PIN4: variants seen among roughly 807,000 people sequenced by gnomAD.
PIN4 encodes peptidyl-prolyl cis-trans isomerase NIMA-interacting 4.
PIN4 carries 3 observed loss-of-function variants against 8.3 expected under a neutral mutation model. That is an observed-to-expected ratio of 0.36 (90% CI 0.16 to 0.93). The LOEUF (loss-of-function observed/expected upper bound fraction) is 0.93. Ranked by LOEUF, PIN4 falls within the 40% of genes least tolerant of loss-of-function variation. The pLI is 0.44. For synonymous variants in PIN4, 18 were observed against 32.5 expected (o/e 0.55, Z 1.52); for missense variants, 75 against 100.6 (o/e 0.75, Z 1.09).
intron 3 of PIN4, chrX:72,205,393 T>C: frequency 8.3e-7 from 1 of 1,212,000 alleles, no homozygotes; most frequent in Non-Finnish European, 1.1e-6. Flanking sequence ...TTCTGGATAA[T>C]CTTCAGGACC....
intron 3 of PIN4, among the ~76,000 whole-genome samples, chrX:72,216,117 T>C (rs1431691239): frequency 9.1e-6 from 1 of 110,369 alleles, no homozygotes; most frequent in Non-Finnish European, 1.9e-5. Context: ...GCAGATGTTA[T>C]TGATTTAAGA....
At chrX:72,240,889 G>C (rs1321955509) in intron 3 of PIN4, among the ~76,000 whole-genome samples, 1 of 111,111 alleles carries the variant, frequency 9.0e-6, no homozygotes, top group Admixed American at 9.6e-5. Flanking sequence ...CCTTTATTAA[G>C]AGGCCTTTTA....
exon 4 of PIN4, chrX:72,262,870 C>T: frequency 1.7e-6 from 1 of 589,052 alleles, no homozygotes. Context: ...CAGAAGGTGA[C>T]ATTTTCTGAC....
chrX:72,232,273 TAAAAAAA>T (rs56070381), intron 3 of PIN4, among the ~76,000 whole-genome samples: 1 of 61,423 alleles, frequency 1.6e-5, no homozygotes, highest in Non-Finnish European at 2.8e-5. Context: ...GAAGGAGTAT[TAAAAAAA>T]AAAAAAAAAA....
intron 3 of PIN4, among the ~76,000 whole-genome samples, chrX:72,256,537 AC>A (rs2147618371): frequency 8.9e-6 from 1 of 111,816 alleles, no homozygotes; most frequent in South Asian, 3.8e-4. Context: ...TACTCAGTTT[AC>A]CAATTCAAAT....
intron 2 of PIN4, among the ~76,000 whole-genome samples, chrX:72,190,297 T>C (rs1308979727): frequency 1.8e-5 from 2 of 111,803 alleles, no homozygotes; most frequent in African/African-American, 6.5e-5. Context: ...TAAAATTAGA[T>C]CTATAGTTAG....
chrX:72,185,177 A>G (rs1361120035), intron 1 of PIN4, among the ~76,000 whole-genome samples: 1 of 104,373 alleles, frequency 9.6e-6, no homozygotes, highest in Non-Finnish European at 2.0e-5. Flanking sequence ...CAACTTTTCA[A>G]TGGCTCCCTA....
intron 3 of PIN4, chrX:72,208,242 G>A (rs753051049): frequency 8.3e-7 from 1 of 1,209,847 alleles, no homozygotes; most frequent in African/African-American, 1.7e-5. Flanking sequence ...GACCATGAAA[G>A]GTTTTGACTC....
At chrX:72,185,147 C>CAAA (rs746215043) in intron 1 of PIN4, among the ~76,000 whole-genome samples, 9 of 24,446 alleles carry the variant, frequency 3.7e-4, no homozygotes, top group East Asian at 1.1e-3. Context: ...GACTCCGTCT[C>CAAA]AAAAAAAAAA....
intron 3 of PIN4, among the ~76,000 whole-genome samples, chrX:72,222,754 C>G (rs1014331719): frequency 1.8e-5 from 2 of 109,199 alleles, no homozygotes; most frequent in East Asian, 5.9e-4. Context: ...CGTGTCACCA[C>G]GCCCAGCTAA....
At chrX:72,234,434 G>A (rs1442962222) in intron 3 of PIN4, among the ~76,000 whole-genome samples, 2 of 112,024 alleles carry the variant, frequency 1.8e-5, no homozygotes, top group African/African-American at 6.5e-5. Context: ...AAAGTGATGG[G>A]GTGAAAACCT....
intron 3 of PIN4, among the ~76,000 whole-genome samples, chrX:72,213,241 T>G (rs2042866716): frequency 1.8e-5 from 2 of 111,454 alleles, no homozygotes; most frequent in Non-Finnish European, 3.8e-5. Flanking sequence ...ACACCTACCT[T>G]TAAATACAGG....
intron 2 of PIN4, among the ~76,000 whole-genome samples, chrX:72,196,533 C>CAA (rs11284819): frequency 4.5e-5 from 4 of 89,856 alleles, no homozygotes; most frequent in Non-Finnish European, 9.1e-5. Flanking sequence ...GACTCCTTCT[C>CAA]AAAAAAAAAA....
chrX:72,196,694 TA>T, intron 2 of PIN4, 90 bp from the exon 3 acceptor site: 1 of 769,556 alleles, frequency 1.3e-6, no homozygotes, highest in Non-Finnish European at 1.8e-6. Flanking sequence ...GTTTTTTTTT[TA>T]ACTGGTGGGG....
chrX:72,203,013 G>C (rs1015058838), downstream of PIN4, among the ~76,000 whole-genome samples: 2 of 111,675 alleles, frequency 1.8e-5, no homozygotes, highest in South Asian at 3.7e-4. Flanking sequence ...AAACAGCAAG[G>C]CATGATTAGA....
chrX:72,190,974 C>T (rs907888575), intron 2 of PIN4, among the ~76,000 whole-genome samples: 2 of 107,307 alleles, frequency 1.9e-5, no homozygotes, highest in Non-Finnish European at 3.9e-5. Context: ...AAAAAGCTCC[C>T]CAGAACTGCT....
rs1454539015 is a variant in PIN4, at chrX:72,196,851, A to T, written c.184A>T (p.Met62Leu). Residue 62 changes from methionine to leucine, a missense_variant, in exon 3 of 4, where the codon ATG (methionine) becomes TTG (leucine). Physicochemically the swap from Met to Leu is conservative, Grantham distance 15 (BLOSUM62 2). Transcript: ENST00000373669. ...MEAMEKLKSG[M>L]RFNEVAAQYS... ...AGCCATGGAAAAGTTAAAGTCTGGG[A>T]TGAGATTCAATGAAGTGGCCGCACA... 9.2e-6 allele frequency: 11 copies of T among 1,199,591 alleles called. No homozygotes were observed. The highest frequency in any genetic ancestry group is 3.4e-6 in the Non-Finnish European group (3 of 887,269).
chrX:72,222,020 A>C (rs1602445907), intron 3 of PIN4, among the ~76,000 whole-genome samples: 2 of 100,929 alleles, frequency 2.0e-5, no homozygotes, highest in African/African-American at 3.7e-5. Flanking sequence ...CAAACCCTCC[A>C]CCCCAGGGGG....
intron 3 of PIN4, among the ~76,000 whole-genome samples, chrX:72,230,677 T>G (rs1432803283): frequency 8.9e-6 from 1 of 111,944 alleles, no homozygotes; most frequent in Non-Finnish European, 1.9e-5. Flanking sequence ...GCATGGACAT[T>G]CTGGGCTGGG....
Sources: allele counts gnomAD v4.1 joint callset (sites outside exome capture counted in the v4.1 genomes callset), GRCh38; gene constraint gnomAD v4.1.1; transcripts MANE v1.5; gene names NCBI Gene and HGNC (gene_info 2026-07-23, HGNC 2026-07-21).